RCSD1: variants seen among roughly 807,000 people sequenced by gnomAD.
RCSD1 encodes the protein RCSD domain containing 1.
Under a neutral mutation model 42.5 loss-of-function variants are expected in RCSD1, and 26 were observed. The observed-to-expected ratio is 0.61, with a 90% confidence interval of 0.45 to 0.85. The LOEUF is 0.85. Ranked by LOEUF, RCSD1 falls within the 40% of genes least tolerant of loss-of-function variation. RCSD1 has a pLI of 0.00. For synonymous variants in RCSD1, 220 were observed against 212.2 expected (o/e 1.04, Z -0.32); for missense variants, 571 against 528.3 (o/e 1.08, Z -0.79).
intron 1 of RCSD1, among the ~76,000 whole-genome samples, chr1:167,647,425 C>CA (rs35279177): frequency 0.27 from 34,545 of 128,170 alleles, 4,224 homozygotes; most frequent in African/African-American, 0.3. Flanking sequence ...CCCATCGCTA[C>CA]AAAAAAAAAA....
At chr1:167,670,357 G>GAAA (rs58634704) in intron 1 of RCSD1, among the ~76,000 whole-genome samples, 24,266 of 132,114 alleles carry the variant, frequency 0.18, 2,442 homozygotes, top group Middle Eastern at 0.26. Flanking sequence ...CTTTGCAAAA[G>GAAA]AAAAAAAAAA....
chr1:167,680,864 G>A lies in RCSD1; in HGVS notation c.7-3036G>A, dbSNP rs138917172. ...CATTTAATCCAGAGAGGCTAAGGGT[G>A]TCTCAGGAAAGTCTGGGAATAGGTA... On this transcript the variant is annotated intron_variant, in intron 1 of 6. Transcript: ENST00000367854. 1.2e-4 allele frequency among the ~76,000 whole-genome samples: 19 copies of A among 152,354 alleles called. No homozygotes were observed. In the East Asian group the frequency reaches 3.7e-3, roughly 29 times the overall value.
chr1:167,644,580 T>A (rs1658087767), intron 1 of RCSD1, among the ~76,000 whole-genome samples: 1 of 152,172 alleles, frequency 6.6e-6, no homozygotes, highest in Non-Finnish European at 1.5e-5. Context: ...GCAAGTGTAT[T>A]TTTTGAGTTC....
Position 167,648,585 on chromosome 1 carries a change from G to A in RCSD1, c.6+18156G>A, listed in dbSNP as rs76149425. Among the ~76,000 whole-genome samples, 391 of 152,334 alleles carry A rather than the reference G, an allele frequency of 2.6e-3. 5 individuals carry two copies. Among genetic ancestry groups the A allele is most frequent in the East Asian group, 6.5e-3 (34 of 5,192 alleles). ...GGTTCCCCCTCCACCAGCAGGGAGT[G>A]GATAGGAGGGGAGCACAGGAAAGGG... On this transcript the variant is annotated intron_variant, in intron 1 of 6. Coordinates refer to ENST00000367854, the MANE Select transcript of RCSD1 (RefSeq NM_052862.4).
intron 1 of RCSD1, 179 bp downstream of exon 1, chr1:167,630,608 G>C (rs1359583549): frequency 7.3e-6 from 4 of 549,362 alleles, no homozygotes; most frequent in South Asian, 6.0e-5. Context: ...GATCGTCCCT[G>C]GTCCCACCTA....
At chr1:167,645,208 A>G (rs992062691) in intron 1 of RCSD1, among the ~76,000 whole-genome samples, 4 of 152,224 alleles carry the variant, frequency 2.6e-5, no homozygotes, top group African/African-American at 9.6e-5. Flanking sequence ...CAAAACCAAC[A>G]TAATAAAATT....
intron 1 of RCSD1, among the ~76,000 whole-genome samples, chr1:167,642,214 T>TGGCC (rs1295677237): frequency 2.0e-5 from 3 of 152,196 alleles, no homozygotes; most frequent in Admixed American, 1.3e-4. Context: ...ACATTGTTAG[T>TGGCC]GGCCTGATAG....
chr1:167,647,270 G>A (rs1658181181), intron 1 of RCSD1, among the ~76,000 whole-genome samples: 1 of 152,118 alleles, frequency 6.6e-6, no homozygotes, highest in African/African-American at 2.4e-5. Flanking sequence ...GCATTGGGAA[G>A]GCCTGCATGA....
rs751918844 is a variant in RCSD1, at chr1:167,697,504, A to T, written c.880A>T (p.Asn294Tyr). The T allele has an allele frequency of 1.2e-6, 2 of 1,607,528 alleles. No homozygotes were observed. Among genetic ancestry groups the T allele is most frequent in the East Asian group, 2.2e-5 (1 of 44,656 alleles). The change falls in exon 6 of 7, where the codon AAT becomes TAT. Residue 294 changes from asparagine (N) to tyrosine (Y), a missense_variant. Asn to Tyr is a moderately radical substitution (Grantham distance 143). Transcript: ENST00000367854. ...SPQTSGPEAE[N>Y]RCGSPREEKP... Reference sequence around the variant, plus strand: ...CCAGACCTCTGGCCCAGAGGCAGAAAATAGGTGTGGGAGCCCCAGGGAGGA... The same window carrying T: ...CCAGACCTCTGGCCCAGAGGCAGAATATAGGTGTGGGAGCCCCAGGGAGGA...
Position 167,683,985 on chromosome 1 carries a change from C to G in RCSD1, c.92C>G (p.Ala31Gly), listed in dbSNP as rs369004454. 2 of 1,613,574 alleles carry G rather than the reference C, an allele frequency of 1.2e-6. No individual in the cohort carries two copies. The highest frequency in any genetic ancestry group is 2.7e-5 in the African/African-American group (2 of 75,060). ...AQLAGRFREQ[A>G]AAAKETPASK... ...CTGGCCGGGCGGTTTAGGGAGCAGG[C>G]GGCTGCAGCCAAGGAGGTGAGTCAG... The change falls in exon 2 of 7, where the codon GCG becomes GGG. Residue 31 changes from alanine (A) to glycine (G), a missense_variant. Physicochemically the swap from Ala to Gly is moderately conservative, Grantham distance 60 (BLOSUM62 0). Coordinates refer to ENST00000367854, the MANE Select transcript of RCSD1 (RefSeq NM_052862.4).
At chr1:167,695,256 G>T (rs1045925302) in intron 5 of RCSD1, among the ~76,000 whole-genome samples, 2 of 152,234 alleles carry the variant, frequency 1.3e-5, no homozygotes, top group African/African-American at 4.8e-5. Flanking sequence ...TTCTCACAGG[G>T]TGAGGCAGGG....
chr1:167,687,135 A>T (rs1659252937), intron 3 of RCSD1, among the ~76,000 whole-genome samples: 1 of 152,232 alleles, frequency 6.6e-6, no homozygotes, highest in Non-Finnish European at 1.5e-5. Context: ...GGTTAAGTCC[A>T]AGGGCGGATT....
chr1:167,637,833 T>C (rs1412216266), intron 1 of RCSD1, among the ~76,000 whole-genome samples: 1 of 152,068 alleles, frequency 6.6e-6, no homozygotes, highest in Non-Finnish European at 1.5e-5. Flanking sequence ...CCACACTTCC[T>C]GTACACTCCC....
chr1:167,666,573 A>G (rs1658663092), intron 1 of RCSD1, among the ~76,000 whole-genome samples: 1 of 152,206 alleles, frequency 6.6e-6, no homozygotes, highest in Admixed American at 6.5e-5. Flanking sequence ...CTGAATTCTC[A>G]TGGGACCATG....
At chr1:167,701,263 T>TCTTC (rs1659632558) in intron 6 of RCSD1, among the ~76,000 whole-genome samples, 1 of 125,460 alleles carries the variant, frequency 8.0e-6, no homozygotes, top group Non-Finnish European at 1.6e-5. Context: ...TTTCTTTCTT[T>TCTTC]CTTTCTTTCT....
At chr1:167,680,310 A>T (rs1388465431) in intron 1 of RCSD1, among the ~76,000 whole-genome samples, 1 of 151,924 alleles carries the variant, frequency 6.6e-6, no homozygotes, top group Non-Finnish European at 1.5e-5. Flanking sequence ...AGGGACTTAC[A>T]TACATCTGGG....
chr1:167,701,284 CTTT>C (rs1659634104), intron 6 of RCSD1, among the ~76,000 whole-genome samples: 2 of 145,808 alleles, frequency 1.4e-5, no homozygotes, highest in Non-Finnish European at 3.0e-5. Context: ...TTCTTTCTTT[CTTT>C]CTTTCTTTCT....
rs35779782 is a variant in RCSD1, at chr1:167,697,404, C to T, written c.780C>T (p.Asn260=). 1,782 of 1,613,388 alleles carry T rather than the reference C, an allele frequency of 1.1e-3. 15 individuals carry two copies. The African/African-American group carries it at 0.02, about 18-fold the overall frequency. ...ACAGGGCCACAGAGGAAGCCAAGAA[C>T]GGTGAAAAGGCCAGGCGGAGTTCAG... ...EEDRATEEAK[N]GEKARRSSEE... Residue 260 remains asparagine, a synonymous_variant, in exon 6 of 7, where the codon AAC becomes AAT. Coordinates refer to ENST00000367854, the MANE Select transcript of RCSD1 (RefSeq NM_052862.4).
intron 1 of RCSD1, among the ~76,000 whole-genome samples, chr1:167,635,473 T>C (rs987998234): frequency 9.9e-5 from 15 of 152,148 alleles, no homozygotes; most frequent in African/African-American, 3.6e-4. Flanking sequence ...TGAATGTGCA[T>C]TCCTGGAAAG....
Sources: allele counts gnomAD v4.1 joint callset (sites outside exome capture counted in the v4.1 genomes callset), GRCh38; gene constraint gnomAD v4.1.1; transcripts MANE v1.5; gene names NCBI Gene and HGNC (gene_info 2026-07-23, HGNC 2026-07-21).